Variants in GSE1 observed in about 807,000 individuals in gnomAD.
GSE1 encodes Gse1 coiled-coil protein, also known as genetic suppressor element 1.
Under a neutral mutation model 112.6 loss-of-function variants are expected in GSE1, and 32 were observed. That is an observed-to-expected ratio of 0.28 (90% CI 0.21 to 0.38). The LOEUF (loss-of-function observed/expected upper bound fraction) is 0.38. Ranked by LOEUF, GSE1 falls within the 10% of genes least tolerant of loss-of-function variation. The pLI is 1.00. For missense variants in GSE1, 2,348 were observed against 1,699.2 expected (o/e 1.38, Z -6.71); for synonymous variants, 1,115 against 735.6 (o/e 1.52, Z -8.35).
chr16:85,429,716 G>C (rs1268042908), intron 2 of GSE1, among the ~76,000 whole-genome samples: 2 of 151,896 alleles, frequency 1.3e-5, no homozygotes, highest in Non-Finnish European at 2.9e-5. Flanking sequence ...TGCCCCCACT[G>C]TTCCCTCTGC....
rs761004665 is a variant in GSE1 at position 85,657,439 on chromosome 16, A to G, written c.1475A>G (p.Asn492Ser). 3 of 1,612,530 alleles carry G rather than the reference A, an allele frequency of 1.9e-6. No homozygotes were observed. The highest frequency in any genetic ancestry group is 2.5e-6 in the Non-Finnish European group (3 of 1,179,762). ...AATALLIQRT[N>S]EEEKWLARQR... The stretch of plus-strand genomic sequence containing the variant: ...ACAGCCCTGCTGATCCAGCGCACCA[A>G]TGAGGAGGAGAAGTGGCTGGCGCGG... The change falls in exon 8 of 16, where the codon AAT becomes AGT. Residue 492 changes from asparagine (N) to serine (S), a missense_variant. Asn to Ser is a conservative substitution (Grantham distance 46, BLOSUM62 1). Coordinates refer to ENST00000253458, the MANE Select transcript of GSE1 (RefSeq NM_014615.5).
intron 1 of GSE1, among the ~76,000 whole-genome samples, chr16:85,216,343 G>A (rs1221446095): frequency 6.6e-6 from 1 of 152,190 alleles, no homozygotes; most frequent in Non-Finnish European, 1.5e-5. Context: ...GATGGAGGCT[G>A]CAGGGAGCTA....
rs1267114506 is a variant in GSE1 at position 85,676,046 on chromosome 16, G to C, written c.*3507G>C. On this transcript the variant is annotated 3_prime_UTR_variant, in exon 16 of 16. Coordinates refer to ENST00000253458, the MANE Select transcript of GSE1 (RefSeq NM_014615.5). ...ACACCGGTGCCTCGGTCACTCTGGG[G>C]GCAGTTTAGATGCTGTGAAATTAAA... 1 of 152,570 alleles carries C rather than the reference G, an allele frequency of 6.6e-6. No homozygotes were observed. Among genetic ancestry groups the C allele is most frequent in the African/African-American group, 2.4e-5 (1 of 41,430 alleles). 9.5% of individuals were successfully genotyped at this position (152,570 alleles called of 1,614,324 possible).
intron 1 of GSE1, among the ~76,000 whole-genome samples, chr16:85,171,982 C>G (rs1412741736): frequency 6.6e-6 from 1 of 152,070 alleles, no homozygotes; most frequent in African/African-American, 2.4e-5. Context: ...TTGGTGGGTA[C>G]GTTGGCCTGG....
At chr16:85,630,907 G>A (rs988189750) in intron 1 of GSE1, among the ~76,000 whole-genome samples, 11 of 152,172 alleles carry the variant, frequency 7.2e-5, no homozygotes, top group African/African-American at 2.7e-4. Context: ...TGGGTGGTGG[G>A]TGACAGTTCA....
At chr16:85,195,001 G>A (rs1191220160) in intron 1 of GSE1, among the ~76,000 whole-genome samples, 1 of 152,024 alleles carries the variant, frequency 6.6e-6, no homozygotes, top group Admixed American at 6.6e-5. Context: ...CTTGTTCCCG[G>A]TACAGGAATC....
At chr16:85,570,101 C>T (rs994104224) in intron 1 of GSE1, among the ~76,000 whole-genome samples, 4 of 152,320 alleles carry the variant, frequency 2.6e-5, no homozygotes, top group Non-Finnish European at 4.4e-5. Context: ...AAGCAGCCGT[C>T]GGGCTAGCTG....
chr16:85,521,778 G>A (rs538301044), intron 2 of GSE1, among the ~76,000 whole-genome samples: 2 of 152,372 alleles, frequency 1.3e-5, no homozygotes, highest in East Asian at 3.9e-4. Context: ...AGAGGGGCCA[G>A]CCTCTTTCTG....
At chr16:85,514,437 A>T (rs56174128) in intron 2 of GSE1, among the ~76,000 whole-genome samples, 6,042 of 43,186 alleles carry the variant, frequency 0.14, 559 homozygotes, top group Admixed American at 0.25. Context: ...CCCCCCCCCC[A>T]CCCCAGGGCA....
At chr16:85,316,167 C>A (rs1464386424) in intron 1 of GSE1, among the ~76,000 whole-genome samples, 1 of 152,246 alleles carries the variant, frequency 6.6e-6, no homozygotes, top group Non-Finnish European at 1.5e-5. Flanking sequence ...AAGTGCGACA[C>A]CAGCCACCTA....
chr16:85,173,016 A>T (rs1347458334), intron 1 of GSE1, among the ~76,000 whole-genome samples: 1 of 152,022 alleles, frequency 6.6e-6, no homozygotes, highest in African/African-American at 2.4e-5. Flanking sequence ...CTTTGGTGGG[A>T]TGGTCTCTCG....
intron 2 of GSE1, among the ~76,000 whole-genome samples, chr16:85,386,713 G>A (rs574761641): frequency 6.6e-6 from 1 of 152,358 alleles, no homozygotes; most frequent in African/African-American, 2.4e-5. Flanking sequence ...GCCTGAGTCA[G>A]TGGTCAGGAA....
At chr16:85,278,432 A>G (rs1597267607) in intron 1 of GSE1, among the ~76,000 whole-genome samples, 1 of 152,170 alleles carries the variant, frequency 6.6e-6, no homozygotes, top group African/African-American at 2.4e-5. Flanking sequence ...GAAAGAAGAC[A>G]CTGTATTTAA....
intron 1 of GSE1, among the ~76,000 whole-genome samples, chr16:85,276,195 C>T (rs1269323526): frequency 3.3e-5 from 5 of 152,248 alleles, no homozygotes; most frequent in South Asian, 2.1e-4. Context: ...TTCCGCCTTG[C>T]GGCGCAGCTG....
At chr16:85,387,996 A>G (rs138569261) in intron 2 of GSE1, among the ~76,000 whole-genome samples, 8,406 of 42,236 alleles carry the variant, frequency 0.2, 353 homozygotes, top group East Asian at 0.45. Context: ...GGGTGGGTGG[A>G]TGGATGGATG....
At chr16:85,206,398 A>C (rs940891393) in intron 1 of GSE1, among the ~76,000 whole-genome samples, 2 of 152,152 alleles carry the variant, frequency 1.3e-5, no homozygotes, top group Non-Finnish European at 2.9e-5. Context: ...AGCAAGGAGA[A>C]CTGGAATGAA....
intron 2 of GSE1, among the ~76,000 whole-genome samples, chr16:85,499,621 G>C (rs1222061258): frequency 1.3e-5 from 2 of 152,128 alleles, no homozygotes; most frequent in Non-Finnish European, 2.9e-5. Context: ...TCGTCTTTAA[G>C]AATGCACCTC....
At chr16:85,596,967 T>TG (rs2047255218) in intron 1 of GSE1, among the ~76,000 whole-genome samples, 1 of 136,686 alleles carries the variant, frequency 7.3e-6, no homozygotes, top group Non-Finnish European at 1.5e-5. Context: ...TAGTTGTTTT[T>TG]TTGTTTGTTT....
intron 1 of GSE1, chr16:85,592,590 G>A (rs12598732): frequency 0.61 from 92,302 of 152,092 alleles, 32,509 homozygotes; most frequent in East Asian, 0.9. Context: ...TTAAACACAC[G>A]GCAGATCCAG....
Sources: gnomAD v4.1 joint callset for allele counts (sites outside exome capture counted in the v4.1 genomes callset) on GRCh38, gnomAD v4.1.1 for gene constraint, MANE v1.5 for transcripts, NCBI Gene and HGNC (gene_info 2026-07-23, HGNC 2026-07-21) for gene names.